Variants in PTPRG observed in about 807,000 individuals in gnomAD.
PTPRG encodes the protein receptor-type tyrosine-protein phosphatase gamma.
Under a neutral mutation model 165.3 loss-of-function variants are expected in PTPRG, and 102 were observed. The ratio of observed to expected loss-of-function variants is 0.62; its 90% confidence interval spans 0.53 to 0.73. PTPRG has a LOEUF of 0.73. PTPRG is among the 30% of genes least tolerant of loss of function. PTPRG has a pLI of 0.00. For missense variants in PTPRG, 1,866 were observed against 1,861.4 expected, an observed-to-expected ratio of 1.00 and a Z score of -0.05; for synonymous variants, 675 against 669.5, an observed-to-expected ratio of 1.01 and a Z score of -0.13.
At chr3:61,618,975 CAAA>C (rs57427703) in intron 1 of PTPRG, among the ~76,000 whole-genome samples, 1,310 of 72,962 alleles carry the variant, frequency 0.018, 29 homozygotes, top group African/African-American at 0.05. Context: ...GATCCTGTCT[CAAA>C]AAAAAAAAAA....
chr3:62,076,730 C>A (rs1355885014), intron 4 of PTPRG, among the ~76,000 whole-genome samples: 1 of 151,888 alleles, frequency 6.6e-6, no homozygotes, highest in African/African-American at 2.4e-5. Flanking sequence ...TGCAGGCATG[C>A]ACCACCATGC....
chr3:62,138,791 C>T (rs1046524204), intron 6 of PTPRG, among the ~76,000 whole-genome samples: 1 of 150,218 alleles, frequency 6.7e-6, no homozygotes, highest in Non-Finnish European at 1.5e-5. Context: ...CGGCTAAGAT[C>T]GAGTATGTGT....
intron 8 of PTPRG, among the ~76,000 whole-genome samples, chr3:62,185,293 CAG>C (rs1576109135): frequency 6.6e-6 from 1 of 152,182 alleles, no homozygotes; most frequent in South Asian, 2.1e-4. Context: ...GGAGGCCTCA[CAG>C]GGGATATTTG....
At chr3:61,851,708 A>C (rs2036969855) in intron 2 of PTPRG, among the ~76,000 whole-genome samples, 1 of 152,200 alleles carries the variant, frequency 6.6e-6, no homozygotes, top group Non-Finnish European at 1.5e-5. Flanking sequence ...TCTTGGAATT[A>C]TTAGACTTTT....
At chr3:61,813,969 T>A (rs1225253321) in intron 2 of PTPRG, among the ~76,000 whole-genome samples, 5 of 151,712 alleles carry the variant, frequency 3.3e-5, no homozygotes, top group Non-Finnish European at 7.4e-5. Flanking sequence ...AATCTTGTCT[T>A]GGCTCACTGC....
chr3:62,029,445 G>A (rs1041746574), intron 4 of PTPRG, among the ~76,000 whole-genome samples: 2 of 152,102 alleles, frequency 1.3e-5, no homozygotes, highest in Admixed American at 1.3e-4. Flanking sequence ...CACATTCCTA[G>A]CGCACCCTTA....
chr3:62,039,117 T>C (rs1413599491), intron 4 of PTPRG, among the ~76,000 whole-genome samples: 3 of 152,098 alleles, frequency 2.0e-5, no homozygotes, highest in Non-Finnish European at 4.4e-5. Context: ...GTATTTTTAG[T>C]AGGGACGGGG....
intron 4 of PTPRG, among the ~76,000 whole-genome samples, chr3:62,026,355 A>G (rs189535449): frequency 2.4e-4 from 36 of 152,268 alleles, no homozygotes; most frequent in Admixed American, 5.2e-4. Flanking sequence ...TACTTCCTAG[A>G]CAAGCTCTTA....
chr3:61,807,480 A>C (rs2035451043), intron 2 of PTPRG, among the ~76,000 whole-genome samples: 1 of 152,134 alleles, frequency 6.6e-6, no homozygotes, highest in Admixed American at 6.5e-5. Flanking sequence ...CTCTTTCATC[A>C]TGTAGAAGCT....
intron 7 of PTPRG, among the ~76,000 whole-genome samples, chr3:62,166,325 T>A (rs1559592433): frequency 6.6e-6 from 1 of 151,160 alleles, no homozygotes; most frequent in Admixed American, 6.6e-5. Flanking sequence ...TTACTTTTTT[T>A]ATTTTTAAAA....
At chr3:61,740,980 G>A (rs1341361856) in intron 1 of PTPRG, among the ~76,000 whole-genome samples, 11 of 152,050 alleles carry the variant, frequency 7.2e-5, no homozygotes, top group Admixed American at 7.2e-4. Flanking sequence ...GACACTCACC[G>A]AGCACATTTT....
rs145569009 is a variant in PTPRG, at chr3:62,270,249, T to G, written c.3009+1080T>G. On this transcript the variant is annotated intron_variant, in intron 20 of 29. Transcript: ENST00000474889. Reference sequence around the variant, plus strand: ...AAATGTGATAAAACTGTAGCCTCCTTGCCCCATTTATATTCACACTTACTC... The same window carrying G: ...AAATGTGATAAAACTGTAGCCTCCTGGCCCCATTTATATTCACACTTACTC... Among the ~76,000 whole-genome samples, 714 of 152,266 alleles carry G rather than the reference T, an allele frequency of 4.7e-3. 9 individuals are homozygous for G. In the East Asian group the frequency reaches 0.07, roughly 15 times the overall value.
rs1699936285 is a variant in PTPRG, at chr3:62,195,419, G to A, written c.1327+249G>A. Among the ~76,000 whole-genome samples the A allele has an allele frequency of 6.6e-6, 1 of 152,132 alleles. No individual in the cohort carries two copies. The highest frequency in any genetic ancestry group is 6.5e-5 in the Admixed American group (1 of 15,282). On this transcript the variant is annotated intron_variant, in intron 10 of 29. Transcript: ENST00000474889. This position sits in a 1 kb window ranked among gnomAD's most constrained non-coding sequence, Gnocchi z 4.4. ...TTTATTGTTATTTTCCAACTGTGGG[G>A]AACCAAGTACTCGGGCCTTTTTCTC... is the stretch of plus-strand genomic sequence containing the variant.
intron 5 of PTPRG, among the ~76,000 whole-genome samples, chr3:62,123,036 T>C (rs1292183361): frequency 6.6e-6 from 1 of 152,188 alleles, no homozygotes; most frequent in African/African-American, 2.4e-5. Context: ...TATCTACTGA[T>C]ATGGAGCAAA....
chr3:61,734,977 A>G (rs1222671754), intron 1 of PTPRG, among the ~76,000 whole-genome samples: 2 of 152,224 alleles, frequency 1.3e-5, no homozygotes, highest in Non-Finnish European at 2.9e-5. Context: ...AATTGGTCAG[A>G]GCCAGAGGAG....
chr3:61,617,728 A>G (rs572253727), intron 1 of PTPRG, among the ~76,000 whole-genome samples: 23 of 152,334 alleles, frequency 1.5e-4, no homozygotes, highest in African/African-American at 5.3e-4. Context: ...GATTTTTACA[A>G]GGAGTCCTCA....
intron 2 of PTPRG, among the ~76,000 whole-genome samples, chr3:61,813,327 T>TAAAAAAAAAAAAA (rs757811011): frequency 1.1e-5 from 1 of 87,498 alleles, no homozygotes; most frequent in African/African-American, 4.4e-5. Context: ...CCATGATTAC[T>TAAAAAAAAAAAAA]AAAAAAAAAA....
intron 2 of PTPRG, among the ~76,000 whole-genome samples, chr3:61,944,035 A>T (rs1456355785): frequency 6.6e-6 from 1 of 152,154 alleles, no homozygotes; most frequent in Non-Finnish European, 1.5e-5. Flanking sequence ...CCAGCAGCAA[A>T]CAAAGTACCA....
chr3:61,632,185 G>A (rs1701789181), intron 1 of PTPRG, among the ~76,000 whole-genome samples: 2 of 151,852 alleles, frequency 1.3e-5, no homozygotes, highest in Admixed American at 1.3e-4. Context: ...GCGTGTGTCT[G>A]TAGTCCTAGC....
Sources: gnomAD v4.1 joint callset for allele counts (sites outside exome capture counted in the v4.1 genomes callset) on GRCh38, gnomAD v4.1.1 for gene constraint, Gnocchi (gnomAD v3.1) non-coding constraint, MANE v1.5 for transcripts, NCBI Gene and HGNC (gene_info 2026-07-23, HGNC 2026-07-21) for gene names.